Variants in ATP2C1 observed in about 807,000 individuals in gnomAD.
ATP2C1 encodes ATPase secretory pathway Ca2+ transporting 1.
A neutral mutation model predicts 120.5 loss-of-function variants in ATP2C1; 31 were observed. That is an observed-to-expected ratio of 0.26 (90% CI 0.19 to 0.35). The LOEUF is 0.35. Ranked by LOEUF, ATP2C1 falls within the 10% of genes least tolerant of loss-of-function variation. The pLI is 1.00. For missense variants in ATP2C1, 731 were observed against 1,107.5 expected (o/e 0.66, Z 4.83); for synonymous variants, 351 against 358.7 (o/e 0.98, Z 0.24).
At chr3:130,980,493 A>AT in intron 19 of ATP2C1, 89 bp from the exon 20 acceptor site, 1 of 895,710 alleles carries the variant, frequency 1.1e-6, no homozygotes, top group African/African-American at 1.6e-5. Context: ...GAGAACAGAT[A>AT]ACAAATCATA....
chr3:130,852,729 A>G (rs79257516), intron 1 of ATP2C1, among the ~76,000 whole-genome samples: 2,103 of 152,314 alleles, frequency 0.014, 46 homozygotes, highest in African/African-American at 0.048. Context: ...GAAGTTATAA[A>G]GGAGGTTAAT....
In ATP2C1 at chr3:130,937,018, A is replaced by AT. The variant is rs34589200; in HGVS notation, c.325-403dup. 2.6e-5 allele frequency among the ~76,000 whole-genome samples: 4 copies of AT among 151,956 alleles called. No individual in the cohort carries two copies. In the South Asian group the frequency reaches 8.3e-4, roughly 32 times the overall value. On this transcript the variant is annotated intron_variant, in intron 5 of 27. Transcript: ENST00000510168. ...TTAAAACACTGCTATTTTTCTCACA[A>AT]TTTTTTTGGAAAATTTATTTTTCAT...
Position 130,967,168 on chromosome 3 carries a change from A to G in ATP2C1, c.1146A>G (p.Gln382=), listed in dbSNP as rs141822193. 80 of 1,613,642 alleles carry G rather than the reference A, an allele frequency of 5.0e-5. No homozygotes were observed. In the African/African-American group the frequency reaches 5.2e-4, roughly 10 times the overall value. ...HAEVTGVGYN[Q]FGEVIVDGDV... ...AGGTTACTGGAGTTGGCTATAATCAATTTGGGGAAGTGATTGTTGATGGTG... is the reference window on the plus strand; with the variant it reads ...AGGTTACTGGAGTTGGCTATAATCAGTTTGGGGAAGTGATTGTTGATGGTG... Residue 382 remains glutamine (Q), a synonymous_variant, in exon 15 of 28, where the codon CAA becomes CAG. Transcript: ENST00000510168.
At chr3:130,940,142 A>G (rs184199398) in intron 6 of ATP2C1, among the ~76,000 whole-genome samples, 5 of 152,360 alleles carry the variant, frequency 3.3e-5, no homozygotes, top group African/African-American at 9.6e-5. Context: ...GTATAGAGCC[A>G]GCCACATCTT....
intron 26 of ATP2C1, among the ~76,000 whole-genome samples, chr3:131,008,252 A>G (rs1035177324): frequency 6.6e-6 from 1 of 152,102 alleles, no homozygotes; most frequent in African/African-American, 2.4e-5. Flanking sequence ...AGTCTGGCCA[A>G]CATGGCGAAA....
chr3:130,937,487 T>A, intron 6 of ATP2C1, 24 bp downstream of exon 6: 1 of 1,604,280 alleles, frequency 6.2e-7, no homozygotes, highest in Non-Finnish European at 8.5e-7. Flanking sequence ...TTTGCCAACA[T>A]GAAAATGGTA....
At position 130,979,400 on chromosome 3, in the gene ATP2C1, G is replaced by A; in HGVS notation, c.1722G>A (p.Gln574=). 6.2e-7 allele frequency: 1 copy of A among 1,613,444 alleles called. No individual in the cohort carries two copies. Among genetic ancestry groups the A allele is most frequent in the Non-Finnish European group, 8.5e-7 (1 of 1,179,600 alleles). The part of the protein sequence containing the change: ...VSIKMITGDS[Q]ETAVAIASRL... ...TAAAAATGATTACTGGAGATTCACA[G>A]GAGACTGCAGTTGCAATCGGTATAA... is the stretch of plus-strand genomic sequence containing the variant. Residue 574 remains glutamine (Q), a synonymous_variant, in exon 19 of 28, where the codon CAG becomes CAA. Transcript: ENST00000510168.
intron 2 of ATP2C1, chr3:130,918,493 T>G (rs1297310736): frequency 5.1e-6 from 4 of 782,718 alleles, no homozygotes; most frequent in Admixed American, 3.4e-5. Context: ...GTCTTTGGAT[T>G]TGCTTGTAGG....
intron 2 of ATP2C1, among the ~76,000 whole-genome samples, chr3:130,899,910 C>A (rs1474306804): frequency 2.0e-5 from 3 of 151,884 alleles, no homozygotes; most frequent in Admixed American, 6.6e-5. Context: ...TTTAATATAC[C>A]TGTTAGTTGT....
intron 1 of ATP2C1, among the ~76,000 whole-genome samples, chr3:130,867,577 C>G (rs1316155007): frequency 3.3e-5 from 5 of 149,664 alleles, no homozygotes; most frequent in Middle Eastern, 3.5e-3. Flanking sequence ...CAGACGGAGT[C>G]TCATTCACTC....
chr3:130,986,043 T>C (rs1291927114), intron 20 of ATP2C1, among the ~76,000 whole-genome samples: 1 of 152,206 alleles, frequency 6.6e-6, no homozygotes, highest in Non-Finnish European at 1.5e-5. Context: ...TGGCATTTGG[T>C]ATTGCATCTT....
intron 6 of ATP2C1, 75 bp from the exon 7 acceptor site, chr3:130,940,555 G>C (rs974900045): frequency 3.1e-6 from 3 of 968,814 alleles, no homozygotes; most frequent in South Asian, 2.7e-5. Context: ...TTAAAATAAT[G>C]ATTGAGATTA....
chr3:130,954,011 CTTTG>C, intron 9 of ATP2C1, 35 bp downstream of exon 9: 1 of 1,609,792 alleles, frequency 6.2e-7, no homozygotes, highest in Non-Finnish European at 8.5e-7. Context: ...AAAGCAGTTC[CTTTG>C]TTTGAAACTA....
chr3:130,907,898 A>T (rs564535607), intron 2 of ATP2C1, among the ~76,000 whole-genome samples: 2 of 152,206 alleles, frequency 1.3e-5, no homozygotes, highest in South Asian at 4.1e-4. Flanking sequence ...TTAGGTACAA[A>T]CATAAGACTT....
chr3:130,869,471 G>A (rs1351349892), intron 1 of ATP2C1: 3 of 137,936 alleles, frequency 2.2e-5, no homozygotes. Context: ...AAATGATTAA[G>A]CTTAATGAGG....
At chr3:130,983,202 C>T (rs1167742370) in intron 20 of ATP2C1, among the ~76,000 whole-genome samples, 1 of 152,076 alleles carries the variant, frequency 6.6e-6, no homozygotes, top group Non-Finnish European at 1.5e-5. Flanking sequence ...ATGACAATAG[C>T]AACCATTTAT....
chr3:130,965,014 A>G lies in ATP2C1; in HGVS notation c.1091A>G (p.His364Arg), dbSNP rs780848261. The G allele has an allele frequency of 6.2e-7, 1 of 1,611,826 alleles. No individual in the cohort carries two copies. Among genetic ancestry groups the G allele is most frequent in the Non-Finnish European group, 8.5e-7 (1 of 1,178,432 alleles). Residue 364 changes from histidine to arginine, a missense_variant, in exon 14 of 28, where the codon CAC becomes CGC. His to Arg is a conservative substitution (Grantham distance 29). Transcript: ENST00000510168. ...ACGAAGAATGAAATGACTGTTACTC[A>G]CATATTTACTTCAGATGGTCTGCAT... ...TLTKNEMTVT[H>R]IFTSDGLHAE...
At chr3:130,870,125 T>G (rs2068382694) in intron 1 of ATP2C1, among the ~76,000 whole-genome samples, 1 of 152,162 alleles carries the variant, frequency 6.6e-6, no homozygotes, top group Non-Finnish European at 1.5e-5. Flanking sequence ...GCAGATCCAT[T>G]TATAGCATGG....
At chr3:130,951,998 C>G (rs919747902) in intron 8 of ATP2C1, among the ~76,000 whole-genome samples, 1 of 152,120 alleles carries the variant, frequency 6.6e-6, no homozygotes, top group African/African-American at 2.4e-5. Context: ...CAAGCATGTT[C>G]CTGTCCCCAA....
Sources: allele counts gnomAD v4.1 joint callset (sites outside exome capture counted in the v4.1 genomes callset), GRCh38; gene constraint gnomAD v4.1.1; transcripts MANE v1.5; gene names NCBI Gene and HGNC (gene_info 2026-07-23, HGNC 2026-07-21).